SH3KBP1: variants seen among roughly 807,000 people sequenced by gnomAD.
SH3KBP1 encodes SH3 domain-containing kinase-binding protein 1.
SH3KBP1 carries 8 observed loss-of-function variants against 50.1 expected under a neutral mutation model. That is an observed-to-expected ratio of 0.16 (90% CI 0.09 to 0.29). The LOEUF (loss-of-function observed/expected upper bound fraction) is 0.29, where lower values mean the gene tolerates loss of function less well. Among genes scored for constraint, SH3KBP1 ranks in the 10% least tolerant of loss-of-function variants. The pLI, the probability that SH3KBP1 is intolerant of heterozygous loss-of-function variation, is 1.00. For synonymous variants in SH3KBP1, 227 were observed against 218.6 expected, an observed-to-expected ratio of 1.04 and a Z score of -0.34; for missense variants, 377 against 535.2, an observed-to-expected ratio of 0.70 and a Z score of 2.92.
chrX:19,844,951 G>A (rs2068325161), intron 1 of SH3KBP1, among the ~76,000 whole-genome samples: 1 of 110,665 alleles, frequency 9.0e-6, no homozygotes, highest in African/African-American at 3.3e-5. Flanking sequence ...GTGGTGGCGG[G>A]AGCCTGTAAT....
intron 1 of SH3KBP1, among the ~76,000 whole-genome samples, chrX:19,852,722 A>C (rs913817117): frequency 9.0e-6 from 1 of 110,719 alleles, no homozygotes; most frequent in African/African-American, 3.3e-5. Context: ...AACCAGGCCA[A>C]ATTAGGCCTG....
chrX:19,797,843 G>C (rs1409652334), intron 2 of SH3KBP1, among the ~76,000 whole-genome samples: 1 of 108,532 alleles, frequency 9.2e-6, no homozygotes, highest in East Asian at 2.9e-4. Flanking sequence ...CAAATATAAA[G>C]CACATAGTAC....
rs185270121 is a variant in SH3KBP1, at chrX:19,682,838, G to C, written c.726+985C>G. 2.4e-4 allele frequency among the ~76,000 whole-genome samples: 25 copies of C among 106,108 alleles called. 2 individuals carry two copies. In the Admixed American group the frequency reaches 2.4e-3, roughly 10 times the overall value. 92.1% of individuals were successfully genotyped at this position (106,108 alleles called of 115,157 possible). Reference sequence around the variant, plus strand: ...GGCAAGGTTGCTGAGGGCGGGTGGAGGGGTGGATGTCCTACAGCTGCAGAA... The same window carrying C: ...GGCAAGGTTGCTGAGGGCGGGTGGACGGGTGGATGTCCTACAGCTGCAGAA... On this transcript the variant is annotated intron_variant, in intron 6 of 17. Coordinates refer to ENST00000397821, the MANE Select transcript of SH3KBP1 (RefSeq NM_031892.3).
At chrX:19,663,711 A>G (rs1602903608) in intron 6 of SH3KBP1, among the ~76,000 whole-genome samples, 1 of 111,896 alleles carries the variant, frequency 8.9e-6, no homozygotes, top group African/African-American at 3.3e-5. Flanking sequence ...TACTCCCCCC[A>G]TAGGACAACG....
At chrX:19,885,039 G>A (rs940754680) in intron 1 of SH3KBP1, among the ~76,000 whole-genome samples, 19 of 111,704 alleles carry the variant, frequency 1.7e-4, no homozygotes, top group Middle Eastern at 4.6e-3. Flanking sequence ...TGGTGTGAGC[G>A]TGCAGTCCCA....
chrX:19,588,253 A>G (rs1372999343), intron 12 of SH3KBP1: 6 of 846,902 alleles, frequency 7.1e-6, no homozygotes, highest in Non-Finnish European at 9.4e-6. Context: ...GTAGCCACAC[A>G]TGAGATATAC....
chrX:19,567,962 G>A (rs1274384109), intron 13 of SH3KBP1, among the ~76,000 whole-genome samples: 1 of 110,918 alleles, frequency 9.0e-6, no homozygotes, highest in East Asian at 2.8e-4. Context: ...TGGAACTGAA[G>A]ATCATTATGT....
chrX:19,561,421 T>C (rs1006831840), intron 13 of SH3KBP1, among the ~76,000 whole-genome samples: 1 of 111,238 alleles, frequency 9.0e-6, no homozygotes, highest in African/African-American at 3.3e-5. Flanking sequence ...AGGAAAAAAA[T>C]TACAAGTAAT....
At chrX:19,863,733 C>T (rs2068835649) in intron 1 of SH3KBP1, among the ~76,000 whole-genome samples, 2 of 111,225 alleles carry the variant, frequency 1.8e-5, no homozygotes, top group South Asian at 7.7e-4. Context: ...TCCCTCGGGA[C>T]ACCAAGTGGC....
In SH3KBP1 at chrX:19,656,623, TAGAG is replaced by T. The variant is rs1393758375; in HGVS notation, c.727-11152_727-11149del. 2.7e-5 allele frequency among the ~76,000 whole-genome samples: 3 copies of T among 111,566 alleles called. No homozygotes were observed. The East Asian group carries it at 8.5e-4, about 32-fold the overall frequency. ...AAGTTCAGACTCCGATTTAGAGAGTTAGAGAGTCAGAGAGACAGATATGGTGGCT... is the reference window on the plus strand; with the variant it reads ...AAGTTCAGACTCCGATTTAGAGAGTTAGTCAGAGAGACAGATATGGTGGCT... On this transcript the variant is annotated intron_variant, in intron 6 of 17. Coordinates refer to ENST00000397821, the MANE Select transcript of SH3KBP1 (RefSeq NM_031892.3).
At chrX:19,554,974 C>T (rs1164188456) in intron 13 of SH3KBP1, among the ~76,000 whole-genome samples, 1 of 112,742 alleles carries the variant, frequency 8.9e-6, no homozygotes, top group Non-Finnish European at 1.9e-5. Context: ...TGGCTGTGGC[C>T]ATGGTAGCTG....
intron 14 of SH3KBP1, among the ~76,000 whole-genome samples, chrX:19,546,666 C>T (rs923377757): frequency 8.9e-6 from 1 of 112,401 alleles, no homozygotes; most frequent in Non-Finnish European, 1.9e-5. Flanking sequence ...CAGCCCTGCT[C>T]GCTAGTGCAA....
intron 12 of SH3KBP1, 180 bp downstream of exon 12, chrX:19,588,463 C>T (rs774324610): frequency 3.4e-6 from 4 of 1,175,230 alleles, no homozygotes; most frequent in South Asian, 1.9e-5. Context: ...TGCCTGAGTG[C>T]AGGAGCAAGG....
intron 3 of SH3KBP1, among the ~76,000 whole-genome samples, chrX:19,738,078 A>C (rs2064647097): frequency 8.9e-6 from 1 of 111,856 alleles, no homozygotes; most frequent in Non-Finnish European, 1.9e-5. Flanking sequence ...TGTATCTTAA[A>C]GCCCAACATA....
intron 7 of SH3KBP1, among the ~76,000 whole-genome samples, chrX:19,644,943 C>A (rs1032241046): frequency 1.8e-5 from 2 of 111,346 alleles, no homozygotes; most frequent in Non-Finnish European, 3.8e-5. Context: ...GCAGTGGTAT[C>A]TGGAGATATT....
chrX:19,631,028 G>A (rs1245459885), intron 8 of SH3KBP1, among the ~76,000 whole-genome samples: 4 of 111,420 alleles, frequency 3.6e-5, no homozygotes, highest in Non-Finnish European at 7.5e-5. Context: ...CCAGCCCTGC[G>A]AGAGCGAGCG....
chrX:19,832,374 T>G (rs2067921026), intron 2 of SH3KBP1, among the ~76,000 whole-genome samples: 1 of 111,921 alleles, frequency 8.9e-6, no homozygotes, highest in African/African-American at 3.2e-5. Flanking sequence ...AACAGGCCGA[T>G]GAGGTAGTCG....
At chrX:19,554,212 A>ATTATATATCATATTAAAAT (rs2065388670) in intron 13 of SH3KBP1, among the ~76,000 whole-genome samples, 1 of 69,205 alleles carries the variant, frequency 1.4e-5, no homozygotes, top group Non-Finnish European at 2.4e-5. Context: ...ATTAAAATAT[A>ATTATATATCATATTAAAAT]ATATTATATA....
In SH3KBP1 at chrX:19,776,532, G is replaced by GTTTTTT. The variant is rs72090569; in HGVS notation, c.163-30097_163-30092dup. ...ATTCTAAATCTAGCTTGACAACCTG[G>GTTTTTT]TTTTTTTTTTTTTTTTTTTTTTTTT... On this transcript the variant is annotated intron_variant, in intron 2 of 17. Transcript: ENST00000397821. Among the ~76,000 whole-genome samples, 12 of 25,681 alleles carry GTTTTTT rather than the reference G, an allele frequency of 4.7e-4. 1 individual carries two copies. Among genetic ancestry groups the GTTTTTT allele is most frequent in the Admixed American group, 1.7e-3 (3 of 1,737 alleles). The allele number at this position is 25,681 out of a possible 115,157, so 22.3% of individuals were successfully genotyped here. A position where few individuals can be genotyped will look rare whatever the true frequency, so the allele number is the denominator to read the frequency against.
Sources: gnomAD v4.1 joint callset for allele counts (sites outside exome capture counted in the v4.1 genomes callset) on GRCh38, gnomAD v4.1.1 for gene constraint, MANE v1.5 for transcripts, NCBI Gene and HGNC (gene_info 2026-07-23, HGNC 2026-07-21) for gene names.